Variants in FAAH2 observed in about 807,000 individuals in gnomAD.
The protein encoded by FAAH2 is fatty-acid amide hydrolase 2.
A neutral mutation model predicts 36.9 loss-of-function variants in FAAH2; 60 were observed. The ratio of observed to expected loss-of-function variants is 1.63; its 90% CI spans 1.32 to 2.02. The LOEUF (loss-of-function observed/expected upper bound fraction) is 2.02. FAAH2 is among the 30% of genes most tolerant of loss of function. FAAH2 has a pLI of 0.00. For missense variants in FAAH2, 689 were observed against 397.5 expected, an observed-to-expected ratio of 1.73 and a Z score of -6.23; for synonymous variants, 214 against 143.8, an observed-to-expected ratio of 1.49 and a Z score of -3.49.
chrX:57,162,149 G>A, the FAAH2 span, among the ~76,000 whole-genome samples: 6 of 111,404 alleles, frequency 5.4e-5, no homozygotes, highest in South Asian at 2.3e-3. Flanking sequence ...TGAAATTCTG[G>A]GTTGAAAATT....
At chrX:57,352,222 C>T (rs1602374227) in intron 5 of FAAH2, among the ~76,000 whole-genome samples, 1 of 99,840 alleles carries the variant, frequency 1.0e-5, no homozygotes, top group South Asian at 4.6e-4. Flanking sequence ...CAACAAAATA[C>T]TAGCAAAGTT....
At chrX:57,387,634 T>C (rs1328384122) in intron 7 of FAAH2, among the ~76,000 whole-genome samples, 5 of 111,399 alleles carry the variant, frequency 4.5e-5, no homozygotes, top group African/African-American at 1.6e-4. Flanking sequence ...CTTGAGTTGT[T>C]GGTGGATAGA....
At chrX:57,254,796 G>A in the FAAH2 span, among the ~76,000 whole-genome samples, 1 of 111,752 alleles carries the variant, frequency 8.9e-6, no homozygotes, top group Non-Finnish European at 1.9e-5. Context: ...GAAATTTATG[G>A]CACTGAATGC....
the FAAH2 span, among the ~76,000 whole-genome samples, chrX:57,254,454 A>G: frequency 8.9e-6 from 1 of 112,122 alleles, no homozygotes; most frequent in African/African-American, 3.2e-5. Context: ...TCTCCACTCC[A>G]AATCAGCAGA....
At chrX:57,334,268 TCACA>T (rs60873866) in intron 4 of FAAH2, among the ~76,000 whole-genome samples, 12 of 85,707 alleles carry the variant, frequency 1.4e-4, no homozygotes, top group African/African-American at 4.5e-4. Flanking sequence ...AGATTCCGTC[TCACA>T]CACACACACA....
the FAAH2 span, among the ~76,000 whole-genome samples, chrX:57,170,485 C>T: frequency 9.0e-6 from 1 of 111,180 alleles, no homozygotes; most frequent in African/African-American, 3.3e-5. Flanking sequence ...TTTTTGGTTA[C>T]ATGAATTACT....
the FAAH2 span, among the ~76,000 whole-genome samples, chrX:57,267,389 G>A: frequency 8.9e-6 from 1 of 112,639 alleles, no homozygotes; most frequent in Non-Finnish European, 1.9e-5. Flanking sequence ...AGAGAACAGG[G>A]AATTCTTTTA....
At chrX:57,257,560 G>A in the FAAH2 span, among the ~76,000 whole-genome samples, 1 of 110,094 alleles carries the variant, frequency 9.1e-6, no homozygotes, top group African/African-American at 3.3e-5. Flanking sequence ...GGGGTCTAGG[G>A]GAGGGATAAC....
At chrX:57,161,234 A>T in the FAAH2 span, among the ~76,000 whole-genome samples, 1 of 111,915 alleles carries the variant, frequency 8.9e-6, no homozygotes, top group East Asian at 2.8e-4. Flanking sequence ...ACAGTTTGTT[A>T]TAATTTCTGT....
chrX:57,464,883 A>C (rs1464826743), intron 10 of FAAH2, among the ~76,000 whole-genome samples: 1 of 111,589 alleles, frequency 9.0e-6, no homozygotes, highest in African/African-American at 3.2e-5. Context: ...GACAACAAAA[A>C]CAAAATCAGG....
At chrX:57,403,916 C>A (rs761892309) in intron 7 of FAAH2, among the ~76,000 whole-genome samples, 5 of 112,669 alleles carry the variant, frequency 4.4e-5, no homozygotes, top group Non-Finnish European at 9.4e-5. Flanking sequence ...AACAGAATAG[C>A]CCCATACTTT....
At chrX:57,416,461 A>T (rs1197166156) in intron 7 of FAAH2, among the ~76,000 whole-genome samples, 1 of 111,667 alleles carries the variant, frequency 9.0e-6, no homozygotes, top group Admixed American at 9.5e-5. Flanking sequence ...TTCTCTGTAA[A>T]GAATTTTATT....
At chrX:57,191,573 T>A in the FAAH2 span, among the ~76,000 whole-genome samples, 4 of 112,024 alleles carry the variant, frequency 3.6e-5, no homozygotes, top group African/African-American at 1.3e-4. Flanking sequence ...CAGACCAATG[T>A]CCTGGAGAAT....
the FAAH2 span, among the ~76,000 whole-genome samples, chrX:57,176,285 T>A: frequency 1.2e-3 from 124 of 101,024 alleles, no homozygotes; most frequent in African/African-American, 4.6e-3. Flanking sequence ...TTTTTTTTTT[T>A]AATTTATTTT....
At chrX:57,292,604 G>A (rs993651751) in intron 2 of FAAH2, 24 bp downstream of exon 2, 17 of 1,162,948 alleles carry the variant, frequency 1.5e-5, no homozygotes, top group Non-Finnish European at 1.7e-5. Context: ...CTCTCTCAAG[G>A]AGTCATTTAT....
chrX:57,405,598 A>G (rs1456897838), intron 7 of FAAH2, among the ~76,000 whole-genome samples: 1 of 107,695 alleles, frequency 9.3e-6, no homozygotes, highest in Non-Finnish European at 1.9e-5. Flanking sequence ...GTGAAAGCTC[A>G]GCTCCAGCGG....
At chrX:57,479,172 G>T (rs1269846924) in intron 10 of FAAH2, among the ~76,000 whole-genome samples, 2 of 111,089 alleles carry the variant, frequency 1.8e-5, no homozygotes, top group East Asian at 2.8e-4. Flanking sequence ...ATTGAGCAGT[G>T]GTTTGTAGTT....
chrX:57,198,842 G>A, the FAAH2 span, among the ~76,000 whole-genome samples: 1 of 111,801 alleles, frequency 8.9e-6, no homozygotes, highest in South Asian at 3.8e-4. Context: ...CCAGTTCTAG[G>A]TAAGGTAAAA....
intron 6 of FAAH2, among the ~76,000 whole-genome samples, chrX:57,379,574 C>T (rs373772089): frequency 2.2e-4 from 24 of 108,792 alleles, no homozygotes; most frequent in African/African-American, 6.7e-4. Flanking sequence ...CACACGTGTG[C>T]GCACCCTTCT....
Sources: allele counts gnomAD v4.1 joint callset (sites outside exome capture counted in the v4.1 genomes callset), GRCh38; gene constraint gnomAD v4.1.1; transcripts MANE v1.5; gene names NCBI Gene and HGNC (gene_info 2026-07-23, HGNC 2026-07-21).